The following MIPOL1 variants were observed in gnomAD, a reference collection of about 807,000 sequenced individuals.
The protein encoded by MIPOL1 is mirror-image polydactyly gene 1 protein.
MIPOL1 carries 57 observed loss-of-function variants against 60.9 expected under a neutral mutation model. The observed-to-expected ratio is 0.94, with a 90% CI of 0.76 to 1.17. The LOEUF is 1.17. Ranked by LOEUF, MIPOL1 falls within the 50% of genes most tolerant of loss-of-function variation. MIPOL1 has a pLI of 0.00. For missense variants in MIPOL1, 551 were observed against 511.6 expected (o/e 1.08, Z -0.74); for synonymous variants, 179 against 168.8 (o/e 1.06, Z -0.47).
chr14:37,515,468 T>C (rs2095362476), intron 12 of MIPOL1, among the ~76,000 whole-genome samples: 1 of 152,190 alleles, frequency 6.6e-6, no homozygotes, highest in Non-Finnish European at 1.5e-5. Flanking sequence ...TACAAACTAA[T>C]AGTTCTTGGA....
intron 10 of MIPOL1, among the ~76,000 whole-genome samples, chr14:37,370,798 T>C (rs529024850): frequency 6.6e-6 from 1 of 152,304 alleles, no homozygotes; most frequent in African/African-American, 2.4e-5. Context: ...GCTGTGATTA[T>C]TTCTAATTAC....
intron 11 of MIPOL1, among the ~76,000 whole-genome samples, chr14:37,496,855 G>A (rs1054776970): frequency 3.3e-5 from 5 of 152,060 alleles, no homozygotes; most frequent in Admixed American, 3.3e-4. Context: ...TCAATCCTAA[G>A]CCAAAAGAAC....
chr14:37,358,826 T>A (rs2092029573), intron 9 of MIPOL1, among the ~76,000 whole-genome samples: 2 of 152,206 alleles, frequency 1.3e-5, no homozygotes, highest in South Asian at 4.1e-4. Context: ...GTGCAGAAGC[T>A]CTTTAGTTTA....
At chr14:37,474,099 G>T (rs1209090439) in intron 11 of MIPOL1, among the ~76,000 whole-genome samples, 2 of 152,012 alleles carry the variant, frequency 1.3e-5, no homozygotes, top group African/African-American at 2.4e-5. Context: ...TGGCTCGATA[G>T]TTCTTTTTTA....
chr14:37,294,916 A>G (rs1019637155), intron 7 of MIPOL1, among the ~76,000 whole-genome samples: 2 of 152,214 alleles, frequency 1.3e-5, no homozygotes, highest in African/African-American at 2.4e-5. Context: ...CCAATCTAGC[A>G]AGGCAGGTCA....
At chr14:37,209,155 T>A (rs1966552215) in intron 1 of MIPOL1, among the ~76,000 whole-genome samples, 1 of 152,188 alleles carries the variant, frequency 6.6e-6, no homozygotes, top group Non-Finnish European at 1.5e-5. Context: ...AGTTGTTATG[T>A]TTCCAGTGTC....
At position 37,411,607 on chromosome 14, in the gene MIPOL1, G is replaced by A. The variant is rs1252693475; in HGVS notation, c.937-11248G>A. Among the ~76,000 whole-genome samples the A allele has an allele frequency of 2.0e-5, 3 of 151,990 alleles. No homozygotes were observed. The South Asian group carries it at 6.2e-4, about 31-fold the overall frequency. On this transcript the variant is annotated intron_variant, in intron 10 of 12. Transcript: ENST00000684589. ...GCCTCTGGACCAGCTGCCTGTTTTT[G>A]TAAATAAAATTTTATTGGAACACAG... is the stretch of plus-strand genomic sequence containing the variant.
At chr14:37,381,142 A>G (rs549804523) in intron 10 of MIPOL1, among the ~76,000 whole-genome samples, 14 of 152,158 alleles carry the variant, frequency 9.2e-5, no homozygotes, top group Admixed American at 3.9e-4. Context: ...AAAAAATTGA[A>G]TATGTAAGAC....
chr14:37,490,683 G>C (rs2095035045), intron 11 of MIPOL1, among the ~76,000 whole-genome samples: 1 of 152,112 alleles, frequency 6.6e-6, no homozygotes, highest in Non-Finnish European at 1.5e-5. Flanking sequence ...GTCCCTCACA[G>C]CTTCCCTTGG....
chr14:37,205,937 T>C (rs1966018084), intron 1 of MIPOL1, among the ~76,000 whole-genome samples: 1 of 152,136 alleles, frequency 6.6e-6, no homozygotes, highest in Non-Finnish European at 1.5e-5. Context: ...TACATGTGCC[T>C]GAAACACATT....
intron 9 of MIPOL1, among the ~76,000 whole-genome samples, chr14:37,339,887 C>G (rs562836786): frequency 6.6e-6 from 1 of 152,218 alleles, no homozygotes; most frequent in South Asian, 2.1e-4. Context: ...TAGAAATAGT[C>G]TACATCTTAA....
intron 11 of MIPOL1, among the ~76,000 whole-genome samples, chr14:37,469,169 T>TA (rs747244948): frequency 5.3e-5 from 8 of 152,088 alleles, no homozygotes; most frequent in African/African-American, 7.2e-5. Context: ...GGGTAATTTA[T>TA]AAAAAAAGGA....
intron 9 of MIPOL1, among the ~76,000 whole-genome samples, chr14:37,368,459 G>A (rs561027947): frequency 9.2e-5 from 14 of 152,114 alleles, no homozygotes; most frequent in Admixed American, 5.9e-4. Flanking sequence ...TGATAGCTGC[G>A]TCATGATTGT....
intron 4 of MIPOL1, among the ~76,000 whole-genome samples, chr14:37,267,546 C>A (rs918954439): frequency 1.3e-5 from 2 of 151,574 alleles, no homozygotes; most frequent in Non-Finnish European, 2.9e-5. Flanking sequence ...CCCTTCTTCC[C>A]TTTCTTCCTC....
At chr14:37,309,924 AG>A (rs1181904406) in intron 9 of MIPOL1, among the ~76,000 whole-genome samples, 1 of 151,834 alleles carries the variant, frequency 6.6e-6, no homozygotes, top group African/African-American at 2.4e-5. Flanking sequence ...GCTGACCTCA[AG>A]TGATCCACCC....
intron 11 of MIPOL1, among the ~76,000 whole-genome samples, chr14:37,440,667 A>C (rs2153566037): frequency 6.6e-6 from 1 of 152,246 alleles, no homozygotes; most frequent in Non-Finnish European, 1.5e-5. Context: ...TTCTTTATCC[A>C]GTTATCTATG....
chr14:37,253,007 G>C (rs1407380735), intron 3 of MIPOL1, among the ~76,000 whole-genome samples: 1 of 151,722 alleles, frequency 6.6e-6, no homozygotes, highest in African/African-American at 2.4e-5. Flanking sequence ...TATACTCCTT[G>C]AAATTAAAGG....
chr14:37,379,952 T>G (rs1052028452), intron 10 of MIPOL1, among the ~76,000 whole-genome samples: 6 of 152,074 alleles, frequency 3.9e-5, no homozygotes, highest in Non-Finnish European at 7.4e-5. Flanking sequence ...TGCATGGCCG[T>G]GTAACCCAAA....
chr14:37,381,459 C>T (rs542573493), intron 10 of MIPOL1, among the ~76,000 whole-genome samples: 1 of 152,070 alleles, frequency 6.6e-6, no homozygotes, highest in African/African-American at 2.4e-5. Context: ...AAAGACAATA[C>T]CTAGCAGAGG....
Sources: allele counts gnomAD v4.1 joint callset (sites outside exome capture counted in the v4.1 genomes callset), GRCh38; gene constraint gnomAD v4.1.1; transcripts MANE v1.5; gene names NCBI Gene and HGNC (gene_info 2026-07-23, HGNC 2026-07-21).